DSG2: variants seen among roughly 807,000 people sequenced by gnomAD.
The protein encoded by DSG2 is desmoglein 2.
In DSG2, 45 loss-of-function variants were observed where a neutral mutation model predicts 75.6. That is an observed-to-expected ratio of 0.60 (90% CI 0.47 to 0.76). The LOEUF (loss-of-function observed/expected upper bound fraction) is 0.76, where lower values mean the gene tolerates loss of function less well. DSG2 is among the 30% of genes least tolerant of loss of function. DSG2 has a pLI of 0.00. For synonymous variants in DSG2, 429 were observed against 483.9 expected, an observed-to-expected ratio of 0.89 and a Z score of 1.49; for missense variants, 1,267 against 1,357.4, an observed-to-expected ratio of 0.93 and a Z score of 1.05.
At chr18:31,524,911 T>C (rs749845977) in intron 8 of DSG2, 23 bp downstream of exon 8, 3 of 1,611,736 alleles carry the variant, frequency 1.9e-6, no homozygotes, top group Non-Finnish European at 2.5e-6. Flanking sequence ...TATTCAAAAC[T>C]GGCGTGGGCC....
intron 6 of DSG2, 147 bp downstream of exon 6, chr18:31,522,396 G>A: frequency 1.3e-6 from 1 of 772,764 alleles, no homozygotes; most frequent in Non-Finnish European, 2.1e-6. Flanking sequence ...GGGATGTGCT[G>A]TCCAATATGG....
In DSG2 at chr18:31,538,985, C is replaced by CT. The variant is rs1464074724; in HGVS notation, c.1879+10dup. ...GCCTTTCTGCTCCTGCTATGTAAGT[C>CT]TTTAAAAGCCACTCTGTTGTGCTTT... On this transcript the variant is annotated splice_region_variant and intron_variant, in intron 12 of 14. Coordinates refer to ENST00000261590, the MANE Select transcript of DSG2 (RefSeq NM_001943.5). 1 of 1,611,896 alleles carries CT rather than the reference C, an allele frequency of 6.2e-7. No homozygotes were observed. The highest frequency in any genetic ancestry group is 8.5e-7 in the Non-Finnish European group (1 of 1,179,678).
chr18:31,542,895 A>G lies in DSG2; in HGVS notation c.2334+43A>G, dbSNP rs376061086. The G allele has an allele frequency of 1.2e-5, 12 of 1,032,788 alleles. No individual in the cohort carries two copies. In the African/African-American group the frequency reaches 1.4e-4, roughly 12 times the overall value. 64.0% of individuals were successfully genotyped at this position (1,032,788 alleles called of 1,614,324 possible). A position where few individuals can be genotyped will look rare whatever the true frequency, so the allele number is the denominator to read the frequency against. ...GTATTGGTGGTGGGGGGTGGGGGGA[A>G]CATTTGTATGTGAATGTGATATTAT... On this transcript the variant is annotated intron_variant, in intron 14 of 14. Coordinates refer to ENST00000261590, the MANE Select transcript of DSG2 (RefSeq NM_001943.5).
At chr18:31,542,225 G>A (rs779566124) in intron 13 of DSG2, 5 of 457,774 alleles carry the variant, frequency 1.1e-5, no homozygotes, top group African/African-American at 9.9e-5. Flanking sequence ...ATAGAAGAAG[G>A]TATCAAACTG....
chr18:31,513,847 G>A (rs1568102985), intron 1 of DSG2, among the ~76,000 whole-genome samples: 1 of 152,198 alleles, frequency 6.6e-6, no homozygotes, highest in African/African-American at 2.4e-5. Context: ...CTAGTATGGT[G>A]TGACAGAAAG....
rs1393348090 is a variant in DSG2 at position 31,509,544 on chromosome 18, T to C, written c.46-8695T>C. On this transcript the variant is annotated intron_variant, in intron 1 of 14. Coordinates refer to ENST00000261590, the MANE Select transcript of DSG2 (RefSeq NM_001943.5). ...TCTAGATCATCTGTAAGTTGGACTT[T>C]TAAGTTGGAATTTTCTAAATAAGTT... 1.3e-5 allele frequency among the ~76,000 whole-genome samples: 2 copies of C among 152,192 alleles called. 1 individual carries two copies. The highest frequency in any genetic ancestry group is 4.1e-4 in the South Asian group (2 of 4,826).
chr18:31,542,822 C>CGAA lies in DSG2; in HGVS notation c.2308_2310dup (p.Glu770dup). On this transcript the variant is annotated inframe_insertion, in exon 14 of 15. Transcript: ENST00000261590. ...CTCAGGCAGCTGCTGTTGCACTGAA[C>CGAA]GAAGAATTCTTAAGAAATTATTTCA... The CGAA allele has an allele frequency of 6.5e-7, 1 of 1,539,078 alleles. No homozygotes were observed. The highest frequency in any genetic ancestry group is 8.7e-7 in the Non-Finnish European group (1 of 1,151,844).
At chr18:31,509,562 A>G (rs2073056098) in intron 1 of DSG2, among the ~76,000 whole-genome samples, 1 of 152,174 alleles carries the variant, frequency 6.6e-6, no homozygotes, top group South Asian at 2.1e-4. Context: ...GAATTTTCTA[A>G]ATAAGTTATG....
chr18:31,545,384 C>A (rs888223378), intron 14 of DSG2, among the ~76,000 whole-genome samples: 2 of 152,140 alleles, frequency 1.3e-5, no homozygotes, highest in Non-Finnish European at 2.9e-5. Context: ...TTGACATAGT[C>A]CATATTTCAG....
chr18:31,521,387 T>C (rs1399366104), intron 5 of DSG2, 144 bp downstream of exon 5: 1 of 890,466 alleles, frequency 1.1e-6, no homozygotes, highest in African/African-American at 1.7e-5. Context: ...CAGAACTGCT[T>C]TCCTTATAGG....
Position 31,547,662 on chromosome 18 carries a change from G to A in DSG2, c.*919G>A, listed in dbSNP as rs2073323990. ...ATTGCACTCCAGTCTGGGCAACAGA[G>A]TGAGATTCCGTCTCAAAAAAAAAAA... is the stretch of plus-strand genomic sequence containing the variant. On this transcript the variant is annotated 3_prime_UTR_variant, in exon 15 of 15. Coordinates refer to ENST00000261590, the MANE Select transcript of DSG2 (RefSeq NM_001943.5). 1 of 148,898 alleles carries A rather than the reference G, an allele frequency of 6.7e-6. No individual in the cohort carries two copies. The highest frequency in any genetic ancestry group is 6.7e-5 in the Admixed American group (1 of 14,986). The allele number at this position is 148,898 out of a possible 1,614,324, so 9.2% of individuals were successfully genotyped here.
intron 1 of DSG2, among the ~76,000 whole-genome samples, chr18:31,516,603 C>T (rs184138776): frequency 6.6e-6 from 1 of 152,352 alleles, no homozygotes; most frequent in East Asian, 1.9e-4. Flanking sequence ...AACCTAGACT[C>T]TTCTGAGCAA....
In DSG2 at chr18:31,546,027, ACCT is replaced by A; in HGVS notation, c.2642_2644del (p.Thr881_Tyr882delinsAsn). 6.2e-7 allele frequency: 1 copy of A among 1,614,222 alleles called. No homozygotes were observed. Among genetic ancestry groups the A allele is most frequent in the Non-Finnish European group, 8.5e-7 (1 of 1,180,034 alleles). The stretch of plus-strand genomic sequence containing the variant: ...GCAAACTATGGTTAATTCAGAGAAT[ACCT>A]ACTCCTCTGGCAGTAGCTTCCCAGT... On this transcript the variant is annotated inframe_deletion, in exon 15 of 15. Coordinates refer to ENST00000261590, the MANE Select transcript of DSG2 (RefSeq NM_001943.5).
Position 31,520,805 on chromosome 18 carries a change from A to G in DSG2, c.219A>G (p.Ile73Met), listed in dbSNP as rs748445394. 5.0e-6 allele frequency: 8 copies of G among 1,613,552 alleles called. No homozygotes were observed. Among genetic ancestry groups the G allele is most frequent in the Non-Finnish European group, 6.8e-6 (8 of 1,179,682 alleles). ...CATTCCTGTTATTTTTATGTTAGAT[A>G]CATTCTGATCTTGCAGAAGAAAGAG... ...DLSKKNPIAK[I>M]HSDLAEERGL... is the part of the protein sequence containing the mutation. The change falls in exon 4 of 15, where the codon ATA becomes ATG. Residue 73 changes from isoleucine (I) to methionine (M), a missense_variant and splice_region_variant. Ile to Met is a conservative substitution (Grantham distance 10). Transcript: ENST00000261590.
rs112497604 is a variant in DSG2, at chr18:31,545,178, T to C, written c.2335-543T>C. ...AGTCATTCTTGGTTATGTATGTGTGTACTAACTTTTGATTTGGAAGTAATT... is the reference window on the plus strand; with the variant it reads ...AGTCATTCTTGGTTATGTATGTGTGCACTAACTTTTGATTTGGAAGTAATT... On this transcript the variant is annotated intron_variant, in intron 14 of 14. Coordinates refer to ENST00000261590, the MANE Select transcript of DSG2 (RefSeq NM_001943.5). 8.3e-3 allele frequency among the ~76,000 whole-genome samples: 1,270 copies of C among 152,332 alleles called. 28 individuals are homozygous for C. Among genetic ancestry groups the C allele is most frequent in the African/African-American group, 0.029 (1,218 of 41,576 alleles).
Position 31,546,371 on chromosome 18 carries a change from T to G in DSG2, c.2985T>G (p.His995Gln), listed in dbSNP as rs2073310114. 6.2e-7 allele frequency: 1 copy of G among 1,613,912 alleles called. No individual in the cohort carries two copies. Among genetic ancestry groups the G allele is most frequent in the Non-Finnish European group, 8.5e-7 (1 of 1,179,964 alleles). The change falls in exon 15 of 15, where the codon CAT becomes CAG. Residue 995 changes from histidine (H) to glutamine (Q), a missense_variant. By Grantham distance (24) the His-to-Gln change is conservative (BLOSUM62 0). Coordinates refer to ENST00000261590, the MANE Select transcript of DSG2 (RefSeq NM_001943.5). ...TCACTGAAAGAGTAATACAGCCTCA[T>G]GGGGGTGGATCGAATCCTCTGGAAG... ...VVVTERVIQP[H>Q]GGGSNPLEGT...
At position 31,522,106 on chromosome 18, in the gene DSG2, G is replaced by A. The variant is rs777530062; in HGVS notation, c.547G>A (p.Ala183Thr). The A allele has an allele frequency of 1.2e-6, 2 of 1,613,760 alleles. No individual in the cohort carries two copies. Among genetic ancestry groups the A allele is most frequent in the Non-Finnish European group, 1.7e-6 (2 of 1,179,778 alleles). The change falls in exon 6 of 15, where the codon GCA becomes ACA. Residue 183 changes from alanine to threonine, a missense_variant. Ala to Thr is a moderately conservative substitution (Grantham distance 58). Transcript: ENST00000261590. Reference sequence around the variant, plus strand: ...AGATACTCTTGTGATGAAAATCAATGCAACAGATGCAGATGAGCCCAATAC... The same window carrying A: ...AGATACTCTTGTGATGAAAATCAATACAACAGATGCAGATGAGCCCAATAC... ...AAHTLVMKIN[A>T]TDADEPNTLN... is the part of the protein sequence containing the mutation.
intron 7 of DSG2, 52 bp from the exon 8 acceptor site, chr18:31,524,651 C>A (rs936471502): frequency 1.3e-5 from 21 of 1,601,252 alleles, no homozygotes; most frequent in Admixed American, 1.7e-5. Flanking sequence ...AAAAATATAT[C>A]ACTTATATTT....
intron 10 of DSG2, 25 bp from the exon 11 acceptor site, chr18:31,536,177 A>ATACT: frequency 6.2e-7 from 1 of 1,608,780 alleles, no homozygotes; most frequent in South Asian, 1.1e-5. Context: ...CAGAATGTAC[A>ATACT]TACTTTTTCT....
Sources: gnomAD v4.1 joint callset for allele counts (sites outside exome capture counted in the v4.1 genomes callset) on GRCh38, gnomAD v4.1.1 for gene constraint, MANE v1.5 for transcripts, NCBI Gene and HGNC (gene_info 2026-07-23, HGNC 2026-07-21) for gene names.